Variants in PCDH15 observed in about 807,000 individuals in gnomAD.
PCDH15 encodes the protein protocadherin-15.
In PCDH15, 129 loss-of-function variants were observed where a neutral mutation model predicts 178.5. The ratio of observed to expected loss-of-function variants is 0.72; its 90% CI spans 0.63 to 0.84. PCDH15 has a LOEUF of 0.84. PCDH15 is among the 40% of genes least tolerant of loss of function. PCDH15 has a pLI of 0.00. For missense variants in PCDH15, 2,230 were observed against 2,099.9 expected (o/e 1.06, Z -1.21); for synonymous variants, 800 against 732.0 (o/e 1.09, Z -1.50).
At chr10:54,366,275 A>T (rs1165731935) in intron 5 of PCDH15, among the ~76,000 whole-genome samples, 1 of 152,080 alleles carries the variant, frequency 6.6e-6, no homozygotes, top group African/African-American at 2.4e-5. Flanking sequence ...TGAAGTGTGA[A>T]ATATTTTGAC....
intron 13 of PCDH15, 22 bp from the exon 14 acceptor site, chr10:54,153,315 T>A: frequency 6.2e-7 from 1 of 1,613,056 alleles, no homozygotes; most frequent in Non-Finnish European, 8.5e-7. Context: ...AATCACAACA[T>A]AAATCCTCTT....
chr10:55,370,573 C>T (rs1463314085), intron 2 of PCDH15, among the ~76,000 whole-genome samples: 4 of 152,104 alleles, frequency 2.6e-5, no homozygotes, highest in Admixed American at 6.6e-5. Context: ...TATAAACTGT[C>T]TATTCAGAAT....
rs2052235732 is a variant in PCDH15, at chr10:54,217,544, T to C, written c.986-3496A>G. Among the ~76,000 whole-genome samples the C allele has an allele frequency of 2.6e-5, 4 of 152,278 alleles. No individual in the cohort carries two copies. The Middle Eastern group carries it at 0.01, about 388-fold the overall frequency. On this transcript the variant is annotated intron_variant, in intron 9 of 37. Transcript: ENST00000644397. ...TTCTTGGCAGGGGATGATAAAGAGATAGAAATTAAAAATTAAAGAGGTAAA... is the reference window on the plus strand; with the variant it reads ...TTCTTGGCAGGGGATGATAAAGAGACAGAAATTAAAAATTAAAGAGGTAAA...
intron 2 of PCDH15, chr10:54,568,807 G>A (rs1384573456): frequency 1.3e-5 from 2 of 151,914 alleles, no homozygotes; most frequent in Non-Finnish European, 1.5e-5. Context: ...ATATAGAATA[G>A]CAAATATGAG....
intron 2 of PCDH15, among the ~76,000 whole-genome samples, chr10:54,588,022 G>A (rs1044919584): frequency 6.6e-5 from 10 of 152,176 alleles, no homozygotes; most frequent in African/African-American, 1.7e-4. Context: ...TAAAGGTTAT[G>A]GAATAATATT....
At chr10:54,423,889 T>C (rs1489389620) in intron 3 of PCDH15, among the ~76,000 whole-genome samples, 2 of 151,870 alleles carry the variant, frequency 1.3e-5, no homozygotes, top group Non-Finnish European at 2.9e-5. Flanking sequence ...ACTTAAATGT[T>C]AGACCTAAAA....
At chr10:55,317,730 A>C (rs750238126) in intron 1 of PCDH15, among the ~76,000 whole-genome samples, 2 of 151,994 alleles carry the variant, frequency 1.3e-5, no homozygotes, top group East Asian at 3.9e-4. Flanking sequence ...AAAAAAAAAA[A>C]CAGAATAGAA....
chr10:54,552,174 T>C (rs2086690694), intron 2 of PCDH15, among the ~76,000 whole-genome samples: 1 of 152,154 alleles, frequency 6.6e-6, no homozygotes, highest in East Asian at 1.9e-4. Context: ...TATTCAACAT[T>C]ACATATTTGT....
chr10:54,283,736 T>C (rs768642182), intron 8 of PCDH15, among the ~76,000 whole-genome samples: 2 of 152,124 alleles, frequency 1.3e-5, no homozygotes, highest in African/African-American at 4.8e-5. Flanking sequence ...TGAGATAAAA[T>C]AGACCAAGCA....
At chr10:55,068,838 T>C (rs2132009295) in intron 2 of PCDH15, among the ~76,000 whole-genome samples, 2 of 151,990 alleles carry the variant, frequency 1.3e-5, no homozygotes, top group South Asian at 4.1e-4. Context: ...TGATTAAATT[T>C]ATGAGTAAGT....
At chr10:54,329,544 T>G (rs1938965679) in intron 7 of PCDH15, 52 bp downstream of exon 7, 3 of 1,380,062 alleles carry the variant, frequency 2.2e-6, no homozygotes, top group African/African-American at 2.9e-5. Flanking sequence ...TTTGGATGAG[T>G]TTTTTACTTC....
chr10:55,168,268 G>C (rs1045036384), intron 1 of PCDH15, among the ~76,000 whole-genome samples: 8 of 152,092 alleles, frequency 5.3e-5, no homozygotes, highest in African/African-American at 1.7e-4. Context: ...CCCCTTGGTA[G>C]CATATGAGAC....
rs1950082887 is a variant in PCDH15, at chr10:54,387,651, C to A, written c.158-8709G>T. ...ATCACCACATCCAGACAATGAGATG[C>A]AGGATCCCTCATTCATTATGCTTGC... On this transcript the variant is annotated intron_variant, in intron 3 of 37. Transcript: ENST00000644397. Among the ~76,000 whole-genome samples, 4 of 152,180 alleles carry A rather than the reference C, an allele frequency of 2.6e-5. No homozygotes were observed. The East Asian group carries it at 7.7e-4, about 29-fold the overall frequency.
At chr10:54,714,556 A>C (rs1456685883) in intron 1 of PCDH15, among the ~76,000 whole-genome samples, 1 of 152,124 alleles carries the variant, frequency 6.6e-6, no homozygotes. Context: ...TAACTTTCAA[A>C]AAGATCCATT....
At chr10:55,183,418 T>C (rs1839707779) in intron 1 of PCDH15, among the ~76,000 whole-genome samples, 1 of 151,892 alleles carries the variant, frequency 6.6e-6, no homozygotes, top group African/African-American at 2.4e-5. Context: ...ACAATGTGGC[T>C]TTTAAGAAAA....
At chr10:54,243,630 A>G (rs1213377635) in intron 8 of PCDH15, among the ~76,000 whole-genome samples, 3 of 152,212 alleles carry the variant, frequency 2.0e-5, no homozygotes, top group Non-Finnish European at 4.4e-5. Flanking sequence ...TTACTAACAT[A>G]GAGAATTAGA....
chr10:54,273,859 C>T (rs2058190119), intron 8 of PCDH15, among the ~76,000 whole-genome samples: 2 of 152,018 alleles, frequency 1.3e-5, no homozygotes, highest in Admixed American at 6.6e-5. Context: ...TTATTTCCTT[C>T]TCTAAGCAAA....
At chr10:54,985,077 A>C (rs1413403171) in intron 2 of PCDH15, among the ~76,000 whole-genome samples, 2 of 150,332 alleles carry the variant, frequency 1.3e-5, no homozygotes, top group Non-Finnish European at 2.9e-5. Flanking sequence ...CCTATATGTT[A>C]GGCTAAACCA....
chr10:54,106,199 T>C (rs1169691967), intron 15 of PCDH15, among the ~76,000 whole-genome samples: 2 of 152,360 alleles, frequency 1.3e-5, no homozygotes, highest in Non-Finnish European at 1.5e-5. Flanking sequence ...ACTGTGGTGA[T>C]GGTTGAACAA....
Sources: allele counts gnomAD v4.1 joint callset (sites outside exome capture counted in the v4.1 genomes callset), GRCh38; gene constraint gnomAD v4.1.1; transcripts MANE v1.5; gene names NCBI Gene and HGNC (gene_info 2026-07-23, HGNC 2026-07-21).